ENPP3: variants seen among roughly 807,000 people sequenced by gnomAD.
ENPP3 encodes ectonucleotide pyrophosphatase/phosphodiesterase 3, also known as ectonucleotide pyrophosphatase/phosphodiesterase family member 3.
A neutral mutation model predicts 117.8 loss-of-function variants in ENPP3; 104 were observed. The observed-to-expected ratio is 0.88, with a 90% confidence interval of 0.75 to 1.04. ENPP3 has a LOEUF of 1.04. Ranked by LOEUF, ENPP3 falls within the 50% of genes least tolerant of loss-of-function variation. The pLI, the probability that ENPP3 is intolerant of heterozygous loss-of-function variation, is 0.00. For missense variants in ENPP3, 1,026 were observed against 1,051.9 expected, an observed-to-expected ratio of 0.98 and a Z score of 0.34; for synonymous variants, 380 against 349.9, an observed-to-expected ratio of 1.09 and a Z score of -0.96.
Position 131,652,896 on chromosome 6 carries a change from G to C in ENPP3, c.464+5G>C. 6.2e-7 allele frequency: 1 copy of C among 1,600,376 alleles called. No individual in the cohort carries two copies. The highest frequency in any genetic ancestry group is 8.6e-7 in the Non-Finnish European group (1 of 1,167,746). On this transcript the variant is annotated splice_donor_5th_base_variant and intron_variant, in intron 5 of 24. Transcript: ENST00000357639. ...GCAGTCTCAGTGCCCAGAAGGGTGA[G>C]CATGACTGATACAGGGATTTTTATC...
At chr6:131,638,165 C>T (rs1013661753) in intron 1 of ENPP3, among the ~76,000 whole-genome samples, 4 of 152,002 alleles carry the variant, frequency 2.6e-5, no homozygotes, top group Non-Finnish European at 5.9e-5. Flanking sequence ...GTACTGAGTC[C>T]CTGACTCAAA....
intron 2 of ENPP3, among the ~76,000 whole-genome samples, chr6:131,645,316 A>G (rs1481558813): frequency 6.6e-6 from 1 of 152,140 alleles, no homozygotes; most frequent in Non-Finnish European, 1.5e-5. Context: ...AGCCTACCCT[A>G]CCTTCCTTCA....
intron 6 of ENPP3, among the ~76,000 whole-genome samples, chr6:131,662,479 C>G (rs374731988): frequency 2.0e-5 from 3 of 152,278 alleles, no homozygotes. Flanking sequence ...TGAGCTCAAG[C>G]TTGCCTTGGC....
rs1244411899 is a variant in ENPP3 at position 131,726,045 on chromosome 6, G to A, written c.1799-1G>A. On this transcript the variant is annotated splice_acceptor_variant, in intron 19 of 24. Coordinates refer to ENST00000357639, the MANE Select transcript of ENPP3 (RefSeq NM_005021.5). LOFTEE classifies it high-confidence loss of function. Reference sequence around the variant, plus strand: ...TTTATTTTATGTTATTTTAATTTTAGTAACAGCAACAGTGAAAGTAAATTT... The same window carrying A: ...TTTATTTTATGTTATTTTAATTTTAATAACAGCAACAGTGAAAGTAAATTT... 1 of 1,601,962 alleles carries A rather than the reference G, an allele frequency of 6.2e-7. No homozygotes were observed. The highest frequency in any genetic ancestry group is 1.7e-5 in the Admixed American group (1 of 58,212).
chr6:131,722,853 A>G (rs1311155845), intron 18 of ENPP3, among the ~76,000 whole-genome samples: 1 of 152,170 alleles, frequency 6.6e-6, no homozygotes, highest in Non-Finnish European at 1.5e-5. Flanking sequence ...TCCTTTGGGT[A>G]GCAGGGAAGA....
At chr6:131,676,418 A>G (rs1778869641) in intron 9 of ENPP3, among the ~76,000 whole-genome samples, 1 of 152,182 alleles carries the variant, frequency 6.6e-6, no homozygotes, top group Non-Finnish European at 1.5e-5. Context: ...CCAGCAATAA[A>G]TGTTCAATAT....
At chr6:131,744,770 A>G (rs1030262641) in intron 24 of ENPP3, among the ~76,000 whole-genome samples, 1 of 152,042 alleles carries the variant, frequency 6.6e-6, no homozygotes, top group Non-Finnish European at 1.5e-5. Flanking sequence ...TTGGGGATAT[A>G]CAATACTCTT....
rs117388761 is a variant in ENPP3, at chr6:131,678,875, C to T, written c.1011+935C>T. Among the ~76,000 whole-genome samples, 1,074 of 151,716 alleles carry T rather than the reference C, an allele frequency of 7.1e-3. 7 individuals carry two copies. The highest frequency in any genetic ancestry group is 0.012 in the Non-Finnish European group (822 of 67,904). On this transcript the variant is annotated intron_variant, in intron 11 of 24. Transcript: ENST00000357639. ...AAGCGTGAACTATCTAAAATATATT[C>T]ACCATGCCTTCTTTTCCCTTTCTTT... is the stretch of plus-strand genomic sequence containing the variant.
intron 15 of ENPP3, among the ~76,000 whole-genome samples, chr6:131,695,651 C>T (rs539378239): frequency 5.5e-4 from 83 of 152,206 alleles, no homozygotes; most frequent in African/African-American, 2.0e-3. Flanking sequence ...CACGGTGGCT[C>T]ACGCCTGTAA....
chr6:131,663,975 C>T (rs72999288), intron 6 of ENPP3, among the ~76,000 whole-genome samples: 11,398 of 152,226 alleles, frequency 0.075, 847 homozygotes, highest in East Asian at 0.33. Flanking sequence ...AGGCGATCCT[C>T]CCACCTTGGC....
intron 15 of ENPP3, among the ~76,000 whole-genome samples, chr6:131,717,356 G>A (rs1779919295): frequency 1.2e-4 from 1 of 8,236 alleles, no homozygotes; most frequent in Non-Finnish European, 2.0e-4. Context: ...CGGGGGGTGT[G>A]TGTGTGTGTG....
intron 9 of ENPP3, among the ~76,000 whole-genome samples, chr6:131,676,239 C>T (rs1000315908): frequency 9.4e-5 from 13 of 138,866 alleles, no homozygotes; most frequent in African/African-American, 4.2e-4. Flanking sequence ...ATCTCAGTTA[C>T]TCTGCTCTAG....
chr6:131,652,466 AGG>A, intron 3 of ENPP3, 74 bp from the exon 4 acceptor site: 12 of 1,365,622 alleles, frequency 8.8e-6, no homozygotes, highest in Middle Eastern at 1.8e-4. Flanking sequence ...ATTATAATAT[AGG>A]AATAAATAAA....
intron 22 of ENPP3, among the ~76,000 whole-genome samples, chr6:131,737,692 C>G (rs3213693): frequency 0.25 from 37,259 of 151,922 alleles, 8,285 homozygotes; most frequent in African/African-American, 0.58. Flanking sequence ...AAAAGTAAAT[C>G]AAATGTAAAT....
intron 3 of ENPP3, among the ~76,000 whole-genome samples, 195 bp from the exon 4 acceptor site, chr6:131,652,347 G>T (rs1562429030): frequency 6.6e-6 from 1 of 152,196 alleles, no homozygotes; most frequent in Non-Finnish European, 1.5e-5. Context: ...TTATAAAGCT[G>T]CATTTCTCTC....
chr6:131,652,764 C>T (rs570936470), intron 4 of ENPP3, 67 bp from the exon 5 acceptor site: 87 of 1,588,604 alleles, frequency 5.5e-5, no homozygotes, highest in Admixed American at 1.0e-4. Context: ...CAAAACACAT[C>T]GGAGAATCTT....
intron 24 of ENPP3, among the ~76,000 whole-genome samples, chr6:131,745,257 A>G (rs2114590390): frequency 6.6e-6 from 1 of 151,178 alleles, no homozygotes; most frequent in African/African-American, 2.4e-5. Context: ...TAACTCTAAC[A>G]TGGCGCATTT....
intron 14 of ENPP3, among the ~76,000 whole-genome samples, chr6:131,687,197 G>A (rs888263200): frequency 1.3e-5 from 2 of 151,968 alleles, no homozygotes; most frequent in African/African-American, 2.4e-5. Context: ...TGACTTTTTA[G>A]CGGTGGCCAT....
At chr6:131,694,444 T>C (rs1779356279) in intron 15 of ENPP3, among the ~76,000 whole-genome samples, 1 of 152,210 alleles carries the variant, frequency 6.6e-6, no homozygotes, top group Admixed American at 6.5e-5. Flanking sequence ...TTTTTCCTTA[T>C]GCATAAGTAG....
Sources: gnomAD v4.1 joint callset for allele counts (sites outside exome capture counted in the v4.1 genomes callset) on GRCh38, gnomAD v4.1.1 for gene constraint, MANE v1.5 for transcripts, NCBI Gene and HGNC (gene_info 2026-07-23, HGNC 2026-07-21) for gene names.